RASA1: variants seen among roughly 807,000 people sequenced by gnomAD.
RASA1 encodes RAS p21 protein activator 1, also known as ras GTPase-activating protein 1.
Under a neutral mutation model 132.2 loss-of-function variants are expected in RASA1, and 25 were observed. The observed-to-expected ratio is 0.19, with a 90% CI of 0.14 to 0.26. RASA1 has a LOEUF of 0.26. Among genes scored for constraint, RASA1 ranks in the 10% least tolerant of loss-of-function variants. The pLI is 1.00. For missense variants in RASA1, 964 were observed against 1,299.2 expected, an observed-to-expected ratio of 0.74 and a Z score of 3.97; for synonymous variants, 477 against 449.9, an observed-to-expected ratio of 1.06 and a Z score of -0.76.
chr5:87,321,750 A>G (rs1756828669), intron 1 of RASA1, among the ~76,000 whole-genome samples: 1 of 152,144 alleles, frequency 6.6e-6, no homozygotes, highest in South Asian at 2.1e-4. Flanking sequence ...CCACCTTCAC[A>G]TGTTCAGCTG....
At chr5:87,385,481 GTGAAATTTTTAGCGA>G (rs1762003222) in intron 22 of RASA1, 92 bp downstream of exon 22, 1 of 984,726 alleles carries the variant, frequency 1.0e-6, no homozygotes, top group South Asian at 1.4e-5. Context: ...ATTTTTAGCA[GTGAAATTTTTAGCGA>G]TGAAAGATTA....
At chr5:87,303,647 A>G (rs1157107740) in intron 1 of RASA1, among the ~76,000 whole-genome samples, 2 of 151,960 alleles carry the variant, frequency 1.3e-5, no homozygotes, top group Non-Finnish European at 2.9e-5. Flanking sequence ...CTCTGAATGA[A>G]TTCAGTCATT....
At position 87,390,824 on chromosome 5, in the gene RASA1, A is replaced by G. The variant is rs377550978; in HGVS notation, c.3085A>G (p.Ile1029Val). The G allele has an allele frequency of 5.3e-5, 85 of 1,613,356 alleles. No individual in the cohort carries two copies. The highest frequency in any genetic ancestry group is 8.3e-5 in the Admixed American group (5 of 59,990). The change falls in exon 25 of 25, where the codon ATA becomes GTA. Residue 1029 changes from isoleucine to valine, a missense_variant. By Grantham distance (29) the Ile-to-Val change is conservative. Coordinates refer to ENST00000274376, the MANE Select transcript of RASA1 (RefSeq NM_002890.3). The stretch of plus-strand genomic sequence containing the variant: ...GCACGTATTGAAAAAGCTTCTGGCT[A>G]TAACAGAACTGCTTCAACAAAAACA... ...QQHVLKKLLA[I>V]TELLQQKQNQ...
At position 87,389,594 on chromosome 5, in the gene RASA1, G is replaced by C; in HGVS notation, c.3060+67G>C. ...ATAACACTTAGAGAGTTAATAAATA[G>C]CTGAATTCTGGTTAACATTTTTATC... On this transcript the variant is annotated intron_variant, in intron 24 of 24. Transcript: ENST00000274376. The C allele has an allele frequency of 3.8e-6, 6 of 1,571,848 alleles. No individual in the cohort carries two copies. In the South Asian group the frequency reaches 5.6e-5, roughly 15 times the overall value.
intron 1 of RASA1, among the ~76,000 whole-genome samples, chr5:87,276,905 C>A (rs978865603): frequency 6.6e-6 from 1 of 152,208 alleles, no homozygotes; most frequent in African/African-American, 2.4e-5. Context: ...CACCCTACAC[C>A]CTAGCTAAGT....
At position 87,268,215 on chromosome 5, in the gene RASA1, T is replaced by A; in HGVS notation, c.-237T>A. On this transcript the variant is annotated 5_prime_UTR_variant, in exon 1 of 25. Coordinates refer to ENST00000274376, the MANE Select transcript of RASA1 (RefSeq NM_002890.3). ...TGTGTGCGGTGAGGTTTGGGTGGCG[T>A]TTGTGCAGGCGTTGGGTTTTTTGCC... is the stretch of plus-strand genomic sequence containing the variant. 1 of 580,376 alleles carries A rather than the reference T, an allele frequency of 1.7e-6. No homozygotes were observed. Among genetic ancestry groups the A allele is most frequent in the Non-Finnish European group, 3.0e-6 (1 of 334,372 alleles). 36.0% of individuals were successfully genotyped at this position (580,376 alleles called of 1,614,324 possible).
intron 1 of RASA1, among the ~76,000 whole-genome samples, chr5:87,304,488 C>A (rs1375754848): frequency 2.1e-5 from 3 of 144,776 alleles, no homozygotes; most frequent in Non-Finnish European, 3.0e-5. Flanking sequence ...TTTTTTTTGA[C>A]ATGGAGTCTC....
chr5:87,284,904 G>C (rs1415315388), intron 1 of RASA1, among the ~76,000 whole-genome samples: 1 of 151,954 alleles, frequency 6.6e-6, no homozygotes, highest in Non-Finnish European at 1.5e-5. Context: ...AAGTGAATAG[G>C]AAATAACCTA....
rs1337461390 is a variant in RASA1, at chr5:87,267,902, T to A, written c.-550T>A. ...CGTTTCACTCACTGAGAGCTCCAGG[T>A]AGTGAGCAGTTCAGTCGATTTCCTC... On this transcript the variant is annotated 5_prime_UTR_variant, in exon 1 of 25. Transcript: ENST00000274376. The A allele has an allele frequency of 2.6e-6, 1 of 382,472 alleles. No individual in the cohort carries two copies. The highest frequency in any genetic ancestry group is 4.5e-5 in the Admixed American group (1 of 22,230). The allele number at this position is 382,472 out of a possible 1,614,324, so 23.7% of individuals were successfully genotyped here.
chr5:87,334,901 T>G (rs1005924362), intron 4 of RASA1, among the ~76,000 whole-genome samples: 1 of 152,128 alleles, frequency 6.6e-6, no homozygotes, highest in Admixed American at 6.5e-5. Context: ...TTTTTTTTTT[T>G]GAGACAGAAT....
At chr5:87,308,719 TATA>T (rs1755736000) in intron 1 of RASA1, among the ~76,000 whole-genome samples, 1 of 152,204 alleles carries the variant, frequency 6.6e-6, no homozygotes, top group African/African-American at 2.4e-5. Context: ...CCTATAGGAT[TATA>T]ATGCCATATT....
intron 9 of RASA1, among the ~76,000 whole-genome samples, chr5:87,358,945 C>T (rs1372965618): frequency 8.0e-6 from 1 of 124,652 alleles, no homozygotes; most frequent in Non-Finnish European, 1.8e-5. Context: ...AGCAAATTAG[C>T]AAATGACACT....
chr5:87,356,646 T>G (rs1377266201), intron 9 of RASA1, among the ~76,000 whole-genome samples: 1 of 152,202 alleles, frequency 6.6e-6, no homozygotes, highest in Non-Finnish European at 1.5e-5. Context: ...ATGCTGGGAT[T>G]ACAGTTGTGA....
intron 11 of RASA1, 29 bp downstream of exon 11, chr5:87,363,533 C>A: frequency 6.3e-7 from 1 of 1,598,044 alleles, no homozygotes; most frequent in Non-Finnish European, 8.6e-7. Flanking sequence ...ATTTTTCTTT[C>A]GGAATTGTCT....
intron 1 of RASA1, among the ~76,000 whole-genome samples, chr5:87,306,159 C>T (rs746082928): frequency 1.3e-5 from 2 of 152,176 alleles, no homozygotes; most frequent in Non-Finnish European, 2.9e-5. Flanking sequence ...TATAAAGACA[C>T]ATGCACATGT....
intron 10 of RASA1, among the ~76,000 whole-genome samples, chr5:87,363,005 T>C (rs955514966): frequency 8.6e-5 from 13 of 151,824 alleles, no homozygotes; most frequent in African/African-American, 3.1e-4. Flanking sequence ...TTTTGGGGAA[T>C]TGTGGGTGGG....
rs1270130110 is a variant in RASA1, at chr5:87,268,244, T to G, written c.-208T>G. On this transcript the variant is annotated 5_prime_UTR_variant, in exon 1 of 25. Coordinates refer to ENST00000274376, the MANE Select transcript of RASA1 (RefSeq NM_002890.3). Reference sequence around the variant, plus strand: ...TGCAGGCGTTGGGTTTTTTGCCCACTTGGCTTCCCGTAACCCAGGCAGCTG... The same window carrying G: ...TGCAGGCGTTGGGTTTTTTGCCCACGTGGCTTCCCGTAACCCAGGCAGCTG... 2 of 714,504 alleles carry G rather than the reference T, an allele frequency of 2.8e-6. No homozygotes were observed. Among genetic ancestry groups the G allele is most frequent in the Non-Finnish European group, 4.4e-6 (2 of 452,142 alleles). The allele number at this position is 714,504 out of a possible 1,614,324, so 44.3% of individuals were successfully genotyped here.
At position 87,270,244 on chromosome 5, in the gene RASA1, A is replaced by G. The variant is rs542221580; in HGVS notation, c.539+1254A>G. 2.3e-3 allele frequency among the ~76,000 whole-genome samples: 349 copies of G among 150,234 alleles called. 6 individuals are homozygous for G. The highest frequency in any genetic ancestry group is 7.4e-3 in the East Asian group (38 of 5,118). On this transcript the variant is annotated intron_variant, in intron 1 of 24. Transcript: ENST00000274376. ...GTGACAGAGCGAGACTCTGTCTCAA[A>G]AAAAAAAAAAAAAGAATTTTGACAA...
chr5:87,270,646 C>CTTTTTT (rs70996415), intron 1 of RASA1, among the ~76,000 whole-genome samples: 1 of 71,780 alleles, frequency 1.4e-5, no homozygotes, highest in African/African-American at 6.4e-5. Flanking sequence ...GGTGCCCGGC[C>CTTTTTT]TTTTTTTTTT....
Sources: allele counts gnomAD v4.1 joint callset (sites outside exome capture counted in the v4.1 genomes callset), GRCh38; gene constraint gnomAD v4.1.1; transcripts MANE v1.5; gene names NCBI Gene and HGNC (gene_info 2026-07-23, HGNC 2026-07-21).